The following PALLD variants were observed in gnomAD, a reference collection of about 807,000 sequenced individuals.
The protein encoded by PALLD is palladin.
In PALLD, 61 loss-of-function variants were observed where a neutral mutation model predicts 123.5. The ratio of observed to expected loss-of-function variants is 0.49; its 90% CI spans 0.40 to 0.61. The LOEUF (loss-of-function observed/expected upper bound fraction) is 0.61, where lower values mean the gene tolerates loss of function less well. PALLD is among the 20% of genes least tolerant of loss of function. PALLD has a pLI of 0.00. For synonymous variants in PALLD, 465 were observed against 496.4 expected (o/e 0.94, Z 0.84); for missense variants, 1,273 against 1,377.0 (o/e 0.92, Z 1.20).
intron 2 of PALLD, among the ~76,000 whole-genome samples, chr4:168,624,696 A>ATT (rs572988350): frequency 1.9e-3 from 294 of 152,316 alleles, no homozygotes; most frequent in African/African-American, 6.5e-3. Flanking sequence ...ATACAAGAGA[A>ATT]TTGGGAAATA....
Position 168,533,593 on chromosome 4 carries a change from C to T in PALLD, c.908+21181C>T, listed in dbSNP as rs557634386. Among the ~76,000 whole-genome samples the T allele has an allele frequency of 1.0e-3, 154 of 152,248 alleles. 1 individual carries two copies. The highest frequency in any genetic ancestry group is 3.5e-3 in the Admixed American group (53 of 15,290). ...AGAAGTCCATACGATGTTTACGTTA[C>T]GGACTTGAGTCTGAGGTATAGGAAG... On this transcript the variant is annotated intron_variant, in intron 2 of 21. Coordinates refer to ENST00000505667, the MANE Select transcript of PALLD (RefSeq NM_001166108.2).
intron 2 of PALLD, among the ~76,000 whole-genome samples, chr4:168,578,806 G>A (rs1234832738): frequency 6.7e-6 from 1 of 149,696 alleles, no homozygotes; most frequent in Non-Finnish European, 1.5e-5. Flanking sequence ...GATAGTCCCA[G>A]TGCTTAAAAA....
intron 11 of PALLD, among the ~76,000 whole-genome samples, chr4:168,893,368 CTTTA>C (rs1488335557): frequency 6.6e-6 from 1 of 152,140 alleles, no homozygotes; most frequent in African/African-American, 2.4e-5. Flanking sequence ...TCTGACCTTT[CTTTA>C]TTAAGTGAAA....
intron 17 of PALLD, among the ~76,000 whole-genome samples, chr4:168,919,262 G>A (rs538946249): frequency 7.7e-4 from 117 of 152,224 alleles, no homozygotes; most frequent in Admixed American, 4.2e-3. Context: ...CGTGGGTCAC[G>A]CCTGTAATCC....
intron 10 of PALLD, among the ~76,000 whole-genome samples, chr4:168,801,172 A>G (rs1045576324): frequency 6.6e-6 from 1 of 152,182 alleles, no homozygotes; most frequent in African/African-American, 2.4e-5. Flanking sequence ...ACCCAGGGGT[A>G]TGAGGGGGAG....
chr4:168,590,864 GTTTTTTTTT>G (rs371992201), intron 2 of PALLD, among the ~76,000 whole-genome samples: 5 of 70,194 alleles, frequency 7.1e-5, no homozygotes, highest in Non-Finnish European at 1.0e-4. Flanking sequence ...GACCTAGAAA[GTTTTTTTTT>G]TTTTTTTTTT....
At chr4:168,658,417 T>C (rs892231706) in intron 2 of PALLD, among the ~76,000 whole-genome samples, 1 of 151,560 alleles carries the variant, frequency 6.6e-6, no homozygotes, top group African/African-American at 2.4e-5. Context: ...CCTGAGTACC[T>C]GGGACTACTG....
At chr4:168,649,632 A>G (rs1268088708) in intron 2 of PALLD, among the ~76,000 whole-genome samples, 2 of 152,344 alleles carry the variant, frequency 1.3e-5, no homozygotes, top group Non-Finnish European at 2.9e-5. Flanking sequence ...ATCAAGCCCC[A>G]TAGCAGAGGT....
chr4:168,888,878 G>C (rs1276809965), intron 10 of PALLD, among the ~76,000 whole-genome samples: 1 of 152,132 alleles, frequency 6.6e-6, no homozygotes, highest in Non-Finnish European at 1.5e-5. Context: ...ACAGCTGTTG[G>C]GAAGACCAGG....
chr4:168,700,100 G>T, intron 8 of PALLD: 1 of 294,986 alleles, frequency 3.4e-6, no homozygotes. Flanking sequence ...ATTTCCTCAT[G>T]GCTTTCTTCA....
chr4:168,628,356 T>G (rs988665364), intron 2 of PALLD, among the ~76,000 whole-genome samples: 17 of 152,328 alleles, frequency 1.1e-4, no homozygotes, highest in East Asian at 7.7e-4. Context: ...CCAATGGCTG[T>G]CTGTTGCTCT....
intron 2 of PALLD, among the ~76,000 whole-genome samples, chr4:168,650,043 G>A (rs1186008504): frequency 6.6e-6 from 1 of 151,988 alleles, no homozygotes; most frequent in African/African-American, 2.4e-5. Context: ...GCATGGTGGT[G>A]GATGCTTGTA....
chr4:168,660,322 G>T (rs1289326708), intron 2 of PALLD, among the ~76,000 whole-genome samples: 2 of 152,092 alleles, frequency 1.3e-5, no homozygotes, highest in African/African-American at 4.8e-5. Flanking sequence ...AACCAAAAAG[G>T]CCCTAGGACT....
At chr4:168,602,018 G>C (rs1164424348) in intron 2 of PALLD, among the ~76,000 whole-genome samples, 1 of 152,148 alleles carries the variant, frequency 6.6e-6, no homozygotes, top group African/African-American at 2.4e-5. Context: ...GGGATAATGG[G>C]GCCGGGCAAC....
chr4:168,870,189 C>T (rs990520687), intron 10 of PALLD, among the ~76,000 whole-genome samples: 1 of 152,192 alleles, frequency 6.6e-6, no homozygotes, highest in Non-Finnish European at 1.5e-5. Context: ...GGCCACTTAC[C>T]ACTGAAATAG....
rs147202465 is a variant in PALLD at position 168,910,661 on chromosome 4, A to G, written c.2623-3266A>G. 1.7e-3 allele frequency among the ~76,000 whole-genome samples: 259 copies of G among 152,320 alleles called. 2 individuals are homozygous for G. Among genetic ancestry groups the G allele is most frequent in the Non-Finnish European group, 9.4e-4 (64 of 68,016 alleles). On this transcript the variant is annotated intron_variant, in intron 15 of 21. Transcript: ENST00000505667. ...ATGCCTTTAATCTTCATAAGAACCCATTAGGTATTAACTATATGGCCTTGT... is the reference window on the plus strand; with the variant it reads ...ATGCCTTTAATCTTCATAAGAACCCGTTAGGTATTAACTATATGGCCTTGT...
intron 10 of PALLD, among the ~76,000 whole-genome samples, chr4:168,822,855 A>G (rs1206405996): frequency 6.6e-6 from 1 of 152,162 alleles, no homozygotes; most frequent in Non-Finnish European, 1.5e-5. Flanking sequence ...ACCTTGTGAC[A>G]CCTGCTGATT....
chr4:168,854,504 C>T (rs1457283415), intron 10 of PALLD, among the ~76,000 whole-genome samples: 1 of 152,120 alleles, frequency 6.6e-6, no homozygotes, highest in East Asian at 1.9e-4. Flanking sequence ...GGCCCTGTGC[C>T]GATTTTGTAG....
chr4:168,512,487 A>G (rs1762611618), intron 2 of PALLD, 75 bp downstream of exon 2: 4 of 1,345,960 alleles, frequency 3.0e-6, no homozygotes, highest in African/African-American at 1.4e-5. Context: ...AGGAAGAAAG[A>G]TTTCCTGTGT....
Sources: gnomAD v4.1 joint callset for allele counts (sites outside exome capture counted in the v4.1 genomes callset) on GRCh38, gnomAD v4.1.1 for gene constraint, MANE v1.5 for transcripts, NCBI Gene and HGNC (gene_info 2026-07-23, HGNC 2026-07-21) for gene names.